The following CLASP2 variants were observed in gnomAD, a reference collection of about 807,000 sequenced individuals.
The protein encoded by CLASP2 is CLIP-associating protein 2.
In CLASP2, 47 loss-of-function variants were observed where a neutral mutation model predicts 194.4. The ratio of observed to expected loss-of-function variants is 0.24; its 90% confidence interval spans 0.19 to 0.31. The LOEUF is 0.31. Among genes scored for constraint, CLASP2 ranks in the 10% least tolerant of loss-of-function variants. CLASP2 has a pLI of 1.00. For missense variants in CLASP2, 1,445 were observed against 1,823.6 expected, an observed-to-expected ratio of 0.79 and a Z score of 3.78; for synonymous variants, 619 against 633.5, an observed-to-expected ratio of 0.98 and a Z score of 0.34.
In CLASP2 at chr3:33,612,123, CCTTT is replaced by C. The variant is rs1313788270; in HGVS notation, c.1318-56_1318-53del. 3 of 1,133,886 alleles carry C rather than the reference CCTTT, an allele frequency of 2.6e-6. No individual in the cohort carries two copies. The Admixed American group carries it at 5.9e-5, about 22-fold the overall frequency. The allele number at this position is 1,133,886 out of a possible 1,614,324, so 70.2% of individuals were successfully genotyped here. A position where few individuals can be genotyped will look rare whatever the true frequency, so the allele number is the denominator to read the frequency against. The stretch of plus-strand genomic sequence containing the variant: ...GAAAATACTACACACTTCATGTGGT[CCTTT>C]CTTCTATTTGCCTTACATTCAAGTA... On this transcript the variant is annotated intron_variant, in intron 12 of 38. Coordinates refer to ENST00000682230, the MANE Select transcript of CLASP2 (RefSeq NM_001365631.1).
At chr3:33,696,467 CTTT>C (rs527665599) in intron 2 of CLASP2, among the ~76,000 whole-genome samples, 2 of 117,952 alleles carry the variant, frequency 1.7e-5, no homozygotes, top group Non-Finnish European at 1.7e-5. Context: ...CATAACATTA[CTTT>C]TTTTTTTTTT....
At chr3:33,541,335 C>T (rs372448050) in intron 32 of CLASP2, among the ~76,000 whole-genome samples, 57 of 152,190 alleles carry the variant, frequency 3.7e-4, no homozygotes, top group African/African-American at 1.4e-3. Context: ...CTTAAAAAAA[C>T]TTTTAAGTTC....
intron 26 of CLASP2, among the ~76,000 whole-genome samples, chr3:33,567,631 G>A (rs977427614): frequency 8.5e-5 from 13 of 152,076 alleles, no homozygotes; most frequent in African/African-American, 2.4e-4. Flanking sequence ...TTTAAAAAAC[G>A]TATATATGGT....
rs942276338 is a variant in CLASP2 at position 33,530,560 on chromosome 3, C to T, written c.3787+4673G>A. ...TATGTATTTCACATAATTGTATGTG[C>T]TATATTTTTATACAGTTGGCAGTGC... On this transcript the variant is annotated intron_variant, in intron 34 of 38. Transcript: ENST00000682230. Among the ~76,000 whole-genome samples the T allele has an allele frequency of 3.3e-5, 5 of 152,274 alleles. No individual in the cohort carries two copies. In the South Asian group the frequency reaches 8.3e-4, roughly 25 times the overall value.
At chr3:33,619,828 A>C (rs2076829600) in intron 11 of CLASP2, 90 bp from the exon 12 acceptor site, 16 of 1,097,966 alleles carry the variant, frequency 1.5e-5, no homozygotes, top group Non-Finnish European at 1.9e-5. Flanking sequence ...TTACTGAATT[A>C]ACTTAGGAAT....
intron 26 of CLASP2, among the ~76,000 whole-genome samples, chr3:33,568,510 T>C (rs555041517): frequency 9.6e-5 from 13 of 134,932 alleles, no homozygotes; most frequent in African/African-American, 3.4e-4. Flanking sequence ...GCCAAGATCA[T>C]GCCACTGCAC....
intron 3 of CLASP2, 119 bp from the exon 4 acceptor site, chr3:33,688,487 G>A: frequency 1.3e-6 from 1 of 751,670 alleles, no homozygotes; most frequent in South Asian, 2.0e-5. Flanking sequence ...TCATCAGACT[G>A]TTGTTCATTT....
chr3:33,659,472 C>T (rs1248793501), intron 7 of CLASP2: 13 of 922,332 alleles, frequency 1.4e-5, no homozygotes, highest in Non-Finnish European at 1.7e-5. Context: ...CTGATTTGCG[C>T]CTTTTTAAAA....
rs2046885432 is a variant in CLASP2 at position 33,501,671 on chromosome 3, C to T, written c.4415G>A (p.Ser1472Asn). The T allele has an allele frequency of 6.2e-7, 1 of 1,612,164 alleles. No individual in the cohort carries two copies. The highest frequency in any genetic ancestry group is 8.5e-7 in the Non-Finnish European group (1 of 1,178,414). ...ACTTACTTTACTGCCAGTAAGTTGACTGAGATGTGGTTTTAGTTCATCACC... is the reference window on the plus strand; with the variant it reads ...ACTTACTTTACTGCCAGTAAGTTGATTGAGATGTGGTTTTAGTTCATCACC... ...VIGDELKPHL[S>N]QLTGSKMKLL... Residue 1472 changes from serine (S) to asparagine (N), a missense_variant, in exon 38 of 39, where the codon AGT becomes AAT. This residue lies in a region of CLASP2 where 732 missense variants were observed against 987.9 expected (regional missense o/e 0.74). Coordinates refer to ENST00000682230, the MANE Select transcript of CLASP2 (RefSeq NM_001365631.1).
intron 18 of CLASP2, among the ~76,000 whole-genome samples, chr3:33,602,033 T>G (rs989414561): frequency 1.3e-5 from 2 of 151,038 alleles, no homozygotes; most frequent in African/African-American, 2.4e-5. Context: ...TTTTTTTTTT[T>G]GACGGAGTCT....
At chr3:33,587,149 G>A (rs543922882) in intron 21 of CLASP2, among the ~76,000 whole-genome samples, 7 of 150,692 alleles carry the variant, frequency 4.6e-5, no homozygotes, top group African/African-American at 9.8e-5. Flanking sequence ...TTTTTGAGTC[G>A]GAGTCTTGCT....
chr3:33,685,249 G>A (rs2090488742), intron 5 of CLASP2, among the ~76,000 whole-genome samples: 1 of 145,028 alleles, frequency 6.9e-6, no homozygotes, highest in Admixed American at 7.4e-5. Context: ...GGCCGAGGCA[G>A]GAGAATCGCT....
intron 2 of CLASP2, among the ~76,000 whole-genome samples, chr3:33,695,402 A>C (rs2091785282): frequency 6.6e-6 from 1 of 151,816 alleles, no homozygotes; most frequent in South Asian, 2.1e-4. Context: ...AGCTTAAAAA[A>C]AAAAATCTTT....
intron 1 of CLASP2, among the ~76,000 whole-genome samples, chr3:33,708,544 G>GTA (rs140222723): frequency 5.8e-5 from 8 of 136,988 alleles, no homozygotes; most frequent in African/African-American, 1.6e-4. Context: ...ATGTATATAT[G>GTA]TATATATATA....
chr3:33,607,150 T>C (rs971949091), intron 15 of CLASP2, among the ~76,000 whole-genome samples: 1 of 152,204 alleles, frequency 6.6e-6, no homozygotes, highest in African/African-American at 2.4e-5. Context: ...TTTTTATTCA[T>C]GATGAAAGTG....
chr3:33,592,118 A>C, intron 21 of CLASP2: 1 of 689,392 alleles, frequency 1.5e-6, no homozygotes. Flanking sequence ...GATATCAATG[A>C]TGCAGCCCTA....
chr3:33,706,462 AAC>A (rs1376274075), intron 1 of CLASP2, among the ~76,000 whole-genome samples: 1 of 152,214 alleles, frequency 6.6e-6, no homozygotes, highest in African/African-American at 2.4e-5. Context: ...AGTGACTTGA[AAC>A]ACAGTAATTT....
chr3:33,626,666 T>C (rs537906537), intron 10 of CLASP2, among the ~76,000 whole-genome samples: 3 of 152,230 alleles, frequency 2.0e-5, no homozygotes, highest in East Asian at 3.9e-4. Flanking sequence ...TTGAGGATAG[T>C]GCTAATAAGC....
chr3:33,560,553 CAATT>C (rs1359458246), intron 28 of CLASP2, among the ~76,000 whole-genome samples: 1 of 151,996 alleles, frequency 6.6e-6, no homozygotes, highest in African/African-American at 2.4e-5. Flanking sequence ...GCTGATACAT[CAATT>C]AAGATAAAAT....
Sources: gnomAD v4.1 joint callset for allele counts (sites outside exome capture counted in the v4.1 genomes callset) on GRCh38, gnomAD v4.1.1 for gene constraint, gnomAD v4.1.1 regional missense constraint, MANE v1.5 for transcripts, NCBI Gene and HGNC (gene_info 2026-07-23, HGNC 2026-07-21) for gene names.